The following SLC41A2 variants were observed in gnomAD, a reference collection of about 807,000 sequenced individuals.
SLC41A2 encodes SLC41A1-like 1.
Under a neutral mutation model 58.3 loss-of-function variants are expected in SLC41A2, and 32 were observed. That is an observed-to-expected ratio of 0.55 (90% CI 0.41 to 0.74). The LOEUF (loss-of-function observed/expected upper bound fraction) is 0.74. Ranked by LOEUF, SLC41A2 falls within the 30% of genes least tolerant of loss-of-function variation. The pLI is 0.00. For missense variants in SLC41A2, 514 were observed against 680.6 expected, an observed-to-expected ratio of 0.76 and a Z score of 2.72; for synonymous variants, 190 against 235.0, an observed-to-expected ratio of 0.81 and a Z score of 1.75.
At chr12:104,891,090 G>A (rs912407206) in intron 4 of SLC41A2, among the ~76,000 whole-genome samples, 9 of 152,080 alleles carry the variant, frequency 5.9e-5, no homozygotes, top group East Asian at 3.9e-4. Context: ...TACCCCCACC[G>A]CTCCATCTTC....
chr12:104,853,535 C>G (rs1167786650), intron 8 of SLC41A2, among the ~76,000 whole-genome samples: 1 of 151,938 alleles, frequency 6.6e-6, no homozygotes, highest in African/African-American at 2.4e-5. Context: ...ATTGGAACAC[C>G]CTTTTAGTGA....
chr12:104,916,442 A>G (rs1305215444), intron 2 of SLC41A2, among the ~76,000 whole-genome samples: 1 of 152,168 alleles, frequency 6.6e-6, no homozygotes, highest in Non-Finnish European at 1.5e-5. Flanking sequence ...CAAGCTACCA[A>G]TGACTTTCTT....
intron 1 of SLC41A2, among the ~76,000 whole-genome samples, chr12:104,940,934 C>CAAAAAAA (rs386377636): frequency 1.0e-5 from 1 of 95,542 alleles, no homozygotes; most frequent in African/African-American, 4.1e-5. Flanking sequence ...GACTCTGCCT[C>CAAAAAAA]AAAAAAAAAA....
At chr12:104,957,813 T>C (rs1419842594) in intron 1 of SLC41A2, among the ~76,000 whole-genome samples, 2 of 152,152 alleles carry the variant, frequency 1.3e-5, no homozygotes, top group African/African-American at 4.8e-5. Context: ...TGTCCCTGCC[T>C]TGGGCGCCCG....
chr12:104,851,560 A>C (rs2042800780), intron 8 of SLC41A2, among the ~76,000 whole-genome samples: 1 of 151,908 alleles, frequency 6.6e-6, no homozygotes, highest in African/African-American at 2.4e-5. Context: ...ATTTTAAAAA[A>C]AATTTTTTTT....
Position 104,928,324 on chromosome 12 carries a change from T to G in SLC41A2, c.204A>C (p.Gly68=), listed in dbSNP as rs752443603. The G allele has an allele frequency of 1.5e-5, 24 of 1,613,244 alleles. 1 individual carries two copies. Among genetic ancestry groups the G allele is most frequent in the Admixed American group, 3.3e-5 (2 of 59,862 alleles). The change falls in exon 2 of 11, where the codon GGA becomes GGC. Residue 68 remains glycine (G), a synonymous_variant. Coordinates refer to ENST00000258538, the MANE Select transcript of SLC41A2 (RefSeq NM_001352171.3). ...HKKANGIWQD[G]LSTAVQTFSN... is the part of the protein sequence containing the mutation. ...TAAAAGTCTGTACTGCAGTTGATAA[T>G]CCATCTTGCCAAATGCCGTTTGCTT...
intron 2 of SLC41A2, among the ~76,000 whole-genome samples, chr12:104,923,969 G>A (rs1286247769): frequency 6.6e-6 from 1 of 152,130 alleles, no homozygotes; most frequent in African/African-American, 2.4e-5. Flanking sequence ...TGAAAAAGCA[G>A]GAGGAAAAGA....
At chr12:104,837,744 G>A (rs954061915) in intron 10 of SLC41A2, among the ~76,000 whole-genome samples, 1 of 152,106 alleles carries the variant, frequency 6.6e-6, no homozygotes, top group Non-Finnish European at 1.5e-5. Flanking sequence ...AGAAAAAAAT[G>A]AGGCCCGTGA....
At chr12:104,868,547 A>T (rs1385606529) in intron 6 of SLC41A2, among the ~76,000 whole-genome samples, 1 of 152,154 alleles carries the variant, frequency 6.6e-6, no homozygotes, top group Admixed American at 6.5e-5. Context: ...GTTCCTTAAA[A>T]AGTTAAACAG....
chr12:104,817,644 G>T (rs2041467461), intron 10 of SLC41A2, among the ~76,000 whole-genome samples: 1 of 148,836 alleles, frequency 6.7e-6, no homozygotes, highest in African/African-American at 2.5e-5. Flanking sequence ...TTTGAATATA[G>T]TAGTAAGTAC....
At chr12:104,905,853 C>T (rs867328155) in intron 3 of SLC41A2, among the ~76,000 whole-genome samples, 3 of 152,250 alleles carry the variant, frequency 2.0e-5, no homozygotes, top group African/African-American at 4.8e-5. Flanking sequence ...CCAGCTGGCC[C>T]GCAAGCGCCG....
intron 10 of SLC41A2, among the ~76,000 whole-genome samples, chr12:104,817,437 AACTTT>A (rs1279371297): frequency 1.2e-4 from 19 of 152,214 alleles, no homozygotes; most frequent in East Asian, 1.9e-4. Context: ...AGCTGACAGT[AACTTT>A]ACTTTATAAA....
At position 104,866,548 on chromosome 12, in the gene SLC41A2, A is replaced by T; in HGVS notation, c.1059T>A (p.Gly353=). The T allele has an allele frequency of 1.2e-6, 2 of 1,610,278 alleles. No homozygotes were observed. The highest frequency in any genetic ancestry group is 8.5e-7 in the Non-Finnish European group (1 of 1,178,030). Residue 353 remains glycine, a synonymous_variant, in exon 7 of 11, where the codon GGT becomes GGA. Transcript: ENST00000258538. ...TAGGGGTTAGAGCCAAGAAAAATAC[A>T]CCAACTAATGGAGAAATGTAGTAAT... ...ETYYYISPLV[G]VFFLALTPIW...
chr12:104,939,810 G>A (rs2047429320), intron 1 of SLC41A2, among the ~76,000 whole-genome samples: 2 of 152,016 alleles, frequency 1.3e-5, no homozygotes, highest in African/African-American at 4.8e-5. Context: ...GAATATCCCA[G>A]AACTTGTTGA....
intron 7 of SLC41A2, among the ~76,000 whole-genome samples, chr12:104,866,193 A>G (rs538422903): frequency 1.1e-4 from 17 of 152,274 alleles, no homozygotes; most frequent in African/African-American, 1.7e-4. Context: ...TGGTAGCCAC[A>G]TGAGGTTCTT....
intron 2 of SLC41A2, among the ~76,000 whole-genome samples, chr12:104,925,035 A>C (rs2046775052): frequency 6.6e-6 from 1 of 152,110 alleles, no homozygotes; most frequent in Non-Finnish European, 1.5e-5. Context: ...AGAAAATCAG[A>C]TTAGTGATTA....
chr12:104,957,372 G>A (rs11112255), intron 1 of SLC41A2, among the ~76,000 whole-genome samples: 11,513 of 152,200 alleles, frequency 0.076, 505 homozygotes, highest in Middle Eastern at 0.11. Flanking sequence ...GTGGGGTGGG[G>A]TCAAGGGGAA....
chr12:104,809,368 A>G (rs2041070249), intron 10 of SLC41A2, among the ~76,000 whole-genome samples: 1 of 108,996 alleles, frequency 9.2e-6, no homozygotes, highest in South Asian at 2.5e-4. Context: ...CTATCATTTT[A>G]GCTCTAACAC....
intron 9 of SLC41A2, among the ~76,000 whole-genome samples, 173 bp downstream of exon 9, chr12:104,845,670 C>T (rs1277658417): frequency 6.6e-6 from 1 of 152,136 alleles, no homozygotes; most frequent in Non-Finnish European, 1.5e-5. Flanking sequence ...TACAAAGATC[C>T]TCAGCAACTG....
Sources: allele counts gnomAD v4.1 joint callset (sites outside exome capture counted in the v4.1 genomes callset), GRCh38; gene constraint gnomAD v4.1.1; transcripts MANE v1.5; gene names NCBI Gene and HGNC (gene_info 2026-07-23, HGNC 2026-07-21).